Variants in PROM1 observed in about 807,000 individuals in gnomAD.
PROM1 encodes prominin 1, also known as prominin-1.
In PROM1, 105 loss-of-function variants were observed where a neutral mutation model predicts 116.9. The observed-to-expected ratio is 0.90, with a 90% CI of 0.77 to 1.06. PROM1 has a LOEUF of 1.06. Ranked by LOEUF, PROM1 falls within the 50% of genes least tolerant of loss-of-function variation. The probability of loss-of-function intolerance (pLI) is 0.00; values close to 1 mark genes in which losing one functional copy is unlikely to be tolerated. For missense variants in PROM1, 1,122 were observed against 1,045.2 expected, an observed-to-expected ratio of 1.07 and a Z score of -1.01; for synonymous variants, 393 against 387.0, an observed-to-expected ratio of 1.02 and a Z score of -0.18.
chr4:16,063,804 T>C (rs1375651881), intron 2 of PROM1, among the ~76,000 whole-genome samples: 2 of 152,206 alleles, frequency 1.3e-5, no homozygotes, highest in African/African-American at 4.8e-5. Context: ...TTCTTATTTT[T>C]GGAGACACAT....
In PROM1 at chr4:16,057,310, A is replaced by G. The variant is rs143089630; in HGVS notation, c.221-18309T>C. On this transcript the variant is annotated intron_variant, in intron 2 of 27. Transcript: ENST00000447510. ...TCCAAGAGGATATAAAAACGTATAC[A>G]ACCTCCTCTTTCCCAGGATGCAGTC... is the stretch of plus-strand genomic sequence containing the variant. 2.2e-4 allele frequency among the ~76,000 whole-genome samples: 34 copies of G among 152,334 alleles called. No individual in the cohort carries two copies. The East Asian group carries it at 6.6e-3, about 29-fold the overall frequency.
chr4:16,064,816 C>T (rs1211553909), intron 2 of PROM1, among the ~76,000 whole-genome samples: 1 of 151,698 alleles, frequency 6.6e-6, no homozygotes, highest in Non-Finnish European at 1.5e-5. Flanking sequence ...TCACTTGAAC[C>T]TGGGAGGCAG....
At chr4:16,017,147 T>C (rs982010830) in intron 9 of PROM1, among the ~76,000 whole-genome samples, 3 of 152,164 alleles carry the variant, frequency 2.0e-5, no homozygotes, top group Non-Finnish European at 4.4e-5. Context: ...ACTTACCTTT[T>C]GAGAAAAGAA....
At chr4:15,986,681 G>T (rs1719500077) in intron 20 of PROM1, among the ~76,000 whole-genome samples, 1 of 152,186 alleles carries the variant, frequency 6.6e-6, no homozygotes, top group African/African-American at 2.4e-5. Flanking sequence ...GTAGTCACTG[G>T]TGTGTTTCCA....
At chr4:16,003,483 G>A (rs1724399674) in intron 13 of PROM1, 1 of 449,786 alleles carries the variant, frequency 2.2e-6, no homozygotes, top group Admixed American at 2.4e-5. Context: ...CCCAGTTTGT[G>A]ATACCTGTGG....
At chr4:15,973,100 C>T (rs1315055061) in intron 26 of PROM1, among the ~76,000 whole-genome samples, 1 of 152,194 alleles carries the variant, frequency 6.6e-6, no homozygotes, top group Admixed American at 6.5e-5. Context: ...ATGTAGCATT[C>T]CCCGGGATCC....
At chr4:16,060,447 G>A (rs1319856911) in intron 2 of PROM1, among the ~76,000 whole-genome samples, 4 of 152,036 alleles carry the variant, frequency 2.6e-5, no homozygotes, top group Non-Finnish European at 5.9e-5. Flanking sequence ...CCAAGTAGCT[G>A]GGACTACAGG....
chr4:15,995,348 A>T (rs1194092948), intron 15 of PROM1, among the ~76,000 whole-genome samples: 3 of 149,560 alleles, frequency 2.0e-5, no homozygotes, highest in Non-Finnish European at 3.0e-5. Flanking sequence ...GACGAAGAAG[A>T]AGAAGGAGGA....
intron 4 of PROM1, among the ~76,000 whole-genome samples, chr4:16,034,172 A>C (rs13133886): frequency 0.74 from 112,814 of 152,016 alleles, 42,237 homozygotes; most frequent in Middle Eastern, 0.83. Flanking sequence ...GCACACTGCA[A>C]AAATAGAAGT....
At chr4:15,970,215 G>C (rs1714100922) in intron 27 of PROM1, among the ~76,000 whole-genome samples, 1 of 150,568 alleles carries the variant, frequency 6.6e-6, no homozygotes, top group Admixed American at 6.6e-5. Flanking sequence ...GCCCACGCTG[G>C]AGTGCAGTGG....
chr4:16,007,101 T>C (rs1725703484), intron 12 of PROM1, among the ~76,000 whole-genome samples: 2 of 152,230 alleles, frequency 1.3e-5, no homozygotes, highest in Admixed American at 1.3e-4. Flanking sequence ...TGAAGGCATA[T>C]GGCTAGATCA....
intron 2 of PROM1, among the ~76,000 whole-genome samples, chr4:16,070,251 C>T (rs1022457503): frequency 3.3e-5 from 5 of 152,100 alleles, no homozygotes; most frequent in African/African-American, 4.8e-5. Flanking sequence ...CCATCGTTAA[C>T]GGACTTATTT....
intron 2 of PROM1, among the ~76,000 whole-genome samples, chr4:16,060,778 G>A (rs78496712): frequency 0.032 from 4,914 of 152,128 alleles, 127 homozygotes; most frequent in Non-Finnish European, 0.05. Context: ...TGATATTTGC[G>A]TTTTTCCCAA....
intron 1 of PROM1, among the ~76,000 whole-genome samples, chr4:16,082,851 C>T (rs2149626196): frequency 6.6e-6 from 1 of 152,222 alleles, no homozygotes; most frequent in East Asian, 1.9e-4. Context: ...GATCCCGAGC[C>T]TCTGACTTTC....
At chr4:15,973,922 C>T (rs773469148) in intron 26 of PROM1, among the ~76,000 whole-genome samples, 4 of 152,096 alleles carry the variant, frequency 2.6e-5, no homozygotes, top group Non-Finnish European at 4.4e-5. Context: ...GTGGGGACTG[C>T]GCAGGATGAG....
At chr4:16,064,897 A>G (rs892344029) in intron 2 of PROM1, among the ~76,000 whole-genome samples, 6 of 152,184 alleles carry the variant, frequency 3.9e-5, no homozygotes, top group Non-Finnish European at 8.8e-5. Flanking sequence ...CCATCTCAAA[A>G]AAAAGAAAAG....
At chr4:16,003,030 A>G (rs1311703594) in intron 13 of PROM1, among the ~76,000 whole-genome samples, 1 of 152,222 alleles carries the variant, frequency 6.6e-6, no homozygotes, top group African/African-American at 2.4e-5. Flanking sequence ...AGAACCTAAA[A>G]TATTTATTAC....
intron 8 of PROM1, among the ~76,000 whole-genome samples, chr4:16,022,229 T>G (rs1013776353): frequency 2.0e-5 from 3 of 151,988 alleles, no homozygotes; most frequent in African/African-American, 7.3e-5. Context: ...CAGGAGGCAA[T>G]GGTCTCTGAG....
At chr4:15,973,957 C>A (rs547187456) in intron 26 of PROM1, among the ~76,000 whole-genome samples, 1 of 152,112 alleles carries the variant, frequency 6.6e-6, no homozygotes, top group African/African-American at 2.4e-5. Flanking sequence ...CTGCCCGGTT[C>A]CTGGGGCTGC....
Sources: gnomAD v4.1 joint callset for allele counts (sites outside exome capture counted in the v4.1 genomes callset) on GRCh38, gnomAD v4.1.1 for gene constraint, MANE v1.5 for transcripts, NCBI Gene and HGNC (gene_info 2026-07-23, HGNC 2026-07-21) for gene names.